CSPP1: variants seen among roughly 807,000 people sequenced by gnomAD.
CSPP1 encodes centrosome and spindle pole-associated protein 1.
CSPP1 carries 126 observed loss-of-function variants against 164.4 expected under a neutral mutation model. The observed-to-expected ratio is 0.77, with a 90% CI of 0.66 to 0.89. The LOEUF is 0.89. Ranked by LOEUF, CSPP1 falls within the 40% of genes least tolerant of loss-of-function variation. The probability of loss-of-function intolerance (pLI) is 0.00; values close to 1 mark genes in which losing one functional copy is unlikely to be tolerated. For missense variants in CSPP1, 1,395 were observed against 1,449.8 expected, an observed-to-expected ratio of 0.96 and a Z score of 0.61; for synonymous variants, 472 against 476.7, an observed-to-expected ratio of 0.99 and a Z score of 0.13.
At chr8:67,101,544 G>A (rs1289968383) in intron 7 of CSPP1, among the ~76,000 whole-genome samples, 2 of 152,134 alleles carry the variant, frequency 1.3e-5, no homozygotes, top group East Asian at 1.9e-4. Flanking sequence ...GTAGAAGTAG[G>A]GAATGACACT....
At chr8:67,114,598 A>G (rs1304655107) in intron 12 of CSPP1, 1 of 152,226 alleles carries the variant, frequency 6.6e-6, no homozygotes, top group Non-Finnish European at 1.5e-5. Context: ...CTATTTGGAA[A>G]AGTTTCATAT....
chr8:67,144,037 A>G (rs2129556599), intron 17 of CSPP1, among the ~76,000 whole-genome samples: 1 of 152,316 alleles, frequency 6.6e-6, no homozygotes. Flanking sequence ...ATGGAAAGCA[A>G]TCTTTCACCA....
intron 13 of CSPP1, 128 bp from the exon 14 acceptor site, chr8:67,118,120 A>G (rs1317885839): frequency 3.2e-6 from 3 of 940,606 alleles, no homozygotes; most frequent in Admixed American, 2.2e-5. Context: ...TGATTGGAGC[A>G]AGATGGTGAC....
At chr8:67,181,765 A>G (rs1254719648) in intron 28 of CSPP1, among the ~76,000 whole-genome samples, 1 of 152,198 alleles carries the variant, frequency 6.6e-6, no homozygotes, top group Non-Finnish European at 1.5e-5. Context: ...AACCACCACT[A>G]TCATCCATCT....
At chr8:67,139,627 A>G (rs1352324146) in intron 17 of CSPP1, among the ~76,000 whole-genome samples, 2 of 152,234 alleles carry the variant, frequency 1.3e-5, no homozygotes, top group South Asian at 4.1e-4. Context: ...GATTAAGAAA[A>G]TGTGGCACAT....
intron 7 of CSPP1, among the ~76,000 whole-genome samples, chr8:67,101,069 G>A (rs1005101811): frequency 1.3e-5 from 2 of 152,108 alleles, no homozygotes; most frequent in Non-Finnish European, 2.9e-5. Context: ...CTTCCAAGGG[G>A]TCTCTCCCAG....
intron 8 of CSPP1, among the ~76,000 whole-genome samples, chr8:67,105,451 G>C (rs1815286981): frequency 6.6e-6 from 1 of 152,062 alleles, no homozygotes; most frequent in Non-Finnish European, 1.5e-5. Context: ...TGCTATCTTG[G>C]CTCATTGCAA....
intron 2 of CSPP1, among the ~76,000 whole-genome samples, chr8:67,075,102 A>G (rs1259085768): frequency 6.6e-6 from 1 of 152,182 alleles, no homozygotes; most frequent in Non-Finnish European, 1.5e-5. Context: ...TCTTAAAGCA[A>G]TGTCTTAAAG....
intron 9 of CSPP1, among the ~76,000 whole-genome samples, chr8:67,107,049 T>A (rs1295295694): frequency 6.7e-6 from 1 of 149,888 alleles, no homozygotes; most frequent in East Asian, 1.9e-4. Flanking sequence ...TATGTTTTGT[T>A]TTTTTTTTTT....
At chr8:67,137,211 C>T (rs1822503085) in intron 16 of CSPP1, among the ~76,000 whole-genome samples, 1 of 151,912 alleles carries the variant, frequency 6.6e-6, no homozygotes, top group Non-Finnish European at 1.5e-5. Context: ...GAACTCTTGA[C>T]CTTAAGTGAT....
At chr8:67,085,154 A>T (rs950794168) in intron 3 of CSPP1, among the ~76,000 whole-genome samples, 3 of 152,148 alleles carry the variant, frequency 2.0e-5, no homozygotes, top group Non-Finnish European at 2.9e-5. Flanking sequence ...TGATGAAAAA[A>T]TTCTGGAAAT....
At chr8:67,103,814 T>G (rs1391137811) in intron 8 of CSPP1, among the ~76,000 whole-genome samples, 3 of 132,224 alleles carry the variant, frequency 2.3e-5, no homozygotes, top group Non-Finnish European at 3.1e-5. Context: ...CACTCCAGTC[T>G]GGGCAACAGA....
intron 23 of CSPP1, among the ~76,000 whole-genome samples, chr8:67,164,124 G>C (rs192195778): frequency 9.9e-5 from 15 of 152,222 alleles, no homozygotes; most frequent in Middle Eastern, 3.4e-3. Context: ...CACCGTAAAG[G>C]AACTTCCTTG....
rs1309182502 is a variant in CSPP1 at position 67,158,595 on chromosome 8, A to G, written c.2390A>G (p.Glu797Gly). Reference sequence around the variant, plus strand: ...GAAAAGAAAAGAGAGAAAGAGGAGGAGGTACATCTTTTTTCCCTATTGTAT... The same window carrying G: ...GAAAAGAAAAGAGAGAAAGAGGAGGGGGTACATCTTTTTTCCCTATTGTAT... Reference protein sequence around the residue: ...EQEKKREKEEEQRLKNEEHIR... With the variant: ...EQEKKREKEEGQRLKNEEHIR... The change falls in exon 20 of 31, where the codon GAG becomes GGG. Residue 797 changes from glutamate to glycine, a missense_variant and splice_region_variant. Physicochemically the swap from Glu to Gly is moderately conservative, Grantham distance 98. Transcript: ENST00000678616. The G allele has an allele frequency of 1.9e-6, 3 of 1,582,480 alleles. No individual in the cohort carries two copies. Among genetic ancestry groups the G allele is most frequent in the African/African-American group, 2.7e-5 (2 of 73,332 alleles).
intron 24 of CSPP1, among the ~76,000 whole-genome samples, chr8:67,165,951 C>A (rs1829233112): frequency 6.6e-6 from 1 of 152,190 alleles, no homozygotes; most frequent in Non-Finnish European, 1.5e-5. Context: ...CTTGTGTCTT[C>A]TTCCATTTAT....
chr8:67,154,285 C>T (rs962684759), intron 19 of CSPP1, 149 bp downstream of exon 19: 4 of 510,630 alleles, frequency 7.8e-6, no homozygotes, highest in African/African-American at 7.8e-5. Context: ...ATCAGTAGTA[C>T]AAAAGTTATT....
chr8:67,190,220 A>G (rs1835826814), intron 28 of CSPP1, among the ~76,000 whole-genome samples: 1 of 152,252 alleles, frequency 6.6e-6, no homozygotes, highest in Admixed American at 6.5e-5. Flanking sequence ...ACGTATCCAT[A>G]TGATGGAGTA....
chr8:67,152,443 G>A (rs767815341), intron 18 of CSPP1, among the ~76,000 whole-genome samples: 3 of 152,010 alleles, frequency 2.0e-5, no homozygotes, highest in Non-Finnish European at 2.9e-5. Flanking sequence ...AGTCTAATAC[G>A]AATTTGGCTT....
intron 14 of CSPP1, 30 bp from the exon 15 acceptor site, chr8:67,118,713 C>CT (rs751242333): frequency 2.7e-6 from 4 of 1,482,322 alleles, no homozygotes; most frequent in South Asian, 2.5e-5. Context: ...TCTAAATAAA[C>CT]TTTTTTTGTT....
Sources: gnomAD v4.1 joint callset for allele counts (sites outside exome capture counted in the v4.1 genomes callset) on GRCh38, gnomAD v4.1.1 for gene constraint, MANE v1.5 for transcripts, NCBI Gene and HGNC (gene_info 2026-07-23, HGNC 2026-07-21) for gene names.